Variants in CIITA observed in about 807,000 individuals in gnomAD.
CIITA encodes the protein MHC class II transactivator.
Under a neutral mutation model 115.1 loss-of-function variants are expected in CIITA, and 72 were observed. The ratio of observed to expected loss-of-function variants is 0.63; its 90% confidence interval spans 0.52 to 0.76. CIITA has a LOEUF of 0.76. Among genes scored for constraint, CIITA ranks in the 30% least tolerant of loss-of-function variants. The pLI is 0.00. For missense variants in CIITA, 1,617 were observed against 1,463.8 expected, an observed-to-expected ratio of 1.10 and a Z score of -1.71; for synonymous variants, 763 against 635.6, an observed-to-expected ratio of 1.20 and a Z score of -3.02.
chr16:10,868,965 A>C (rs111617093), intron 1 of CIITA, among the ~76,000 whole-genome samples: 2 of 152,228 alleles, frequency 1.3e-5, no homozygotes, highest in Admixed American at 6.5e-5. Context: ...GACAGTGGGC[A>C]GGTGTGCTGC....
In CIITA at chr16:10,923,327, T is replaced by G; in HGVS notation, c.*22+2T>G. On this transcript the variant is annotated splice_donor_variant, in intron 19 of 19. Transcript: ENST00000324288. LOFTEE classifies it low-confidence loss of function (3UTR_SPLICE). This position sits in a 1 kb window ranked among gnomAD's most constrained non-coding sequence, Gnocchi z 5.2. ...GATCCCAGCTGTGCTCTGGACAGGG[T>G]AACCAGGGTGGGCTTGGGAGGGGAG... 1 of 1,182,162 alleles carries G rather than the reference T, an allele frequency of 8.5e-7. No individual in the cohort carries two copies. The highest frequency in any genetic ancestry group is 1.2e-6 in the Non-Finnish European group (1 of 816,924). 73.2% of individuals were successfully genotyped at this position (1,182,162 alleles called of 1,614,324 possible).
Position 10,907,047 on chromosome 16 carries a change from C to T in CIITA, c.1555C>T (p.Pro519Ser), listed in dbSNP as rs1275390709. The T allele has an allele frequency of 6.2e-7, 1 of 1,607,382 alleles. No individual in the cohort carries two copies. The highest frequency in any genetic ancestry group is 8.5e-7 in the Non-Finnish European group (1 of 1,179,980). ...GFLHSTCGPAPAEPCSLRGLL... is the reference protein window; with the variant it reads ...GFLHSTCGPASAEPCSLRGLL... ...CCTGCACAGCACGTGCGGACCGGCACCGGCGGAGCCCTGCTCCCTCCGGGG... is the reference window on the plus strand; with the variant it reads ...CCTGCACAGCACGTGCGGACCGGCATCGGCGGAGCCCTGCTCCCTCCGGGG... Residue 519 changes from proline (P) to serine (S), a missense_variant, in exon 11 of 20, where the codon CCG (proline) becomes TCG (serine). Coordinates refer to ENST00000324288, the MANE Select transcript of CIITA (RefSeq NM_000246.4). The surrounding 1 kb of genome is among the most constrained non-coding windows in gnomAD (Gnocchi z 5.0).
chr16:10,898,890 T>C (rs780178306), intron 4 of CIITA, 35 bp from the exon 5 acceptor site: 29 of 1,610,368 alleles, frequency 1.8e-5, no homozygotes, highest in Non-Finnish European at 2.4e-5. Flanking sequence ...CTTTCATTGA[T>C]TGTGTGAGTT....
intron 1 of CIITA, among the ~76,000 whole-genome samples, chr16:10,866,822 G>C (rs2035100302): frequency 6.6e-6 from 1 of 152,208 alleles, no homozygotes. Flanking sequence ...GCCTGCTTGG[G>C]TTCACTCCCT....
At chr16:10,919,088 A>T (rs551129065) in intron 16 of CIITA, among the ~76,000 whole-genome samples, 28 of 152,334 alleles carry the variant, frequency 1.8e-4, no homozygotes, top group African/African-American at 6.7e-4. Flanking sequence ...AGACTGAGAG[A>T]AACTGCTCTC....
intron 1 of CIITA, among the ~76,000 whole-genome samples, chr16:10,891,146 C>T (rs1041794026): frequency 6.6e-6 from 1 of 152,154 alleles, no homozygotes; most frequent in African/African-American, 2.4e-5. Context: ...CCCTGCGGTC[C>T]CTCCCACCAT....
At chr16:10,873,218 C>T (rs1252351706), upstream of CIITA, among the ~76,000 whole-genome samples, 1 of 152,216 alleles carries the variant, frequency 6.6e-6, no homozygotes, top group Non-Finnish European at 1.5e-5. Flanking sequence ...AAGCGACATA[C>T]CTGCCTTAGC....
At chr16:10,875,204 C>T (rs765378418), upstream of CIITA, among the ~76,000 whole-genome samples, 9 of 152,078 alleles carry the variant, frequency 5.9e-5, no homozygotes, top group Non-Finnish European at 1.3e-4. Flanking sequence ...AATGATCTGC[C>T]CACCTCAGCC....
rs972020838 is a variant in CIITA, at chr16:10,923,756, C to A, written c.*23-122C>A. On this transcript the variant is annotated intron_variant, in intron 19 of 19. Coordinates refer to ENST00000324288, the MANE Select transcript of CIITA (RefSeq NM_000246.4). The surrounding 1 kb of genome is among the most constrained non-coding windows in gnomAD (Gnocchi z 5.2). ...CCTGTGCTCCCCGCACTGTGCTGCA[C>A]GTCCACCTCCATTCCACTGCCCCTC... 3.1e-5 allele frequency: 6 copies of A among 195,434 alleles called. No individual in the cohort carries two copies. The highest frequency in any genetic ancestry group is 6.4e-5 in the Non-Finnish European group (6 of 94,238). 12.1% of individuals were successfully genotyped at this position (195,434 alleles called of 1,614,324 possible).
At chr16:10,868,396 C>T (rs751083794) in intron 1 of CIITA, among the ~76,000 whole-genome samples, 13 of 152,182 alleles carry the variant, frequency 8.5e-5, no homozygotes, top group Non-Finnish European at 1.8e-4. Flanking sequence ...TCTTGGGCAC[C>T]AGGGCAGTGT....
chr16:10,910,990 C>T (rs1194894767), intron 13 of CIITA, among the ~76,000 whole-genome samples: 1 of 151,344 alleles, frequency 6.6e-6, no homozygotes, highest in Non-Finnish European at 1.5e-5. Flanking sequence ...CCCAGGCAAA[C>T]TGGGACAGTT....
At position 10,909,097 on chromosome 16, in the gene CIITA, A is replaced by G. The variant is rs756133276; in HGVS notation, c.2726A>G (p.Gln909Arg). 6.2e-7 allele frequency: 1 copy of G among 1,614,152 alleles called. No homozygotes were observed. The highest frequency in any genetic ancestry group is 1.1e-5 in the South Asian group (1 of 91,080). ...LQQHGETKLL[Q>R]AAEEKFTIEP... ...CAGCATGGGGAGACCAAGCTACTTCAGGCAGCAGAGGAGAAGTTCACCATC... is the reference window on the plus strand; with the variant it reads ...CAGCATGGGGAGACCAAGCTACTTCGGGCAGCAGAGGAGAAGTTCACCATC... The change falls in exon 12 of 20, where the codon CAG becomes CGG. Residue 909 changes from glutamine (Q) to arginine (R), a missense_variant. Physicochemically the swap from Gln to Arg is conservative, Grantham distance 43. Coordinates refer to ENST00000324288, the MANE Select transcript of CIITA (RefSeq NM_000246.4).
chr16:10,921,423 A>AT (rs1428871427), intron 16 of CIITA, among the ~76,000 whole-genome samples: 2 of 152,304 alleles, frequency 1.3e-5, no homozygotes, highest in Non-Finnish European at 2.9e-5. Context: ...CACACCCTCT[A>AT]TGTTAACTCA....
chr16:10,917,330 G>A (rs1014439323), intron 15 of CIITA, among the ~76,000 whole-genome samples: 1 of 152,040 alleles, frequency 6.6e-6, no homozygotes, highest in Non-Finnish European at 1.5e-5. Flanking sequence ...ATGCCACCAC[G>A]TCCCGCTAAT....
intron 1 of CIITA, among the ~76,000 whole-genome samples, chr16:10,887,201 C>T (rs1465733154): frequency 1.3e-5 from 2 of 152,028 alleles, no homozygotes; most frequent in African/African-American, 2.4e-5. Context: ...CCATTTGGCC[C>T]CCGGAAGCAG....
rs199476074 is a variant in CIITA at position 10,908,880 on chromosome 16, G to T, written c.2658-149G>T. On this transcript the variant is annotated intron_variant, in intron 11 of 19. Transcript: ENST00000324288. ...AGAAAGTAGGAATCAATAAAGGCTG[G>T]AGTGGTCATGGAAGGCTTTCTGGGA... 3.1e-5 allele frequency: 32 copies of T among 1,044,644 alleles called. No individual in the cohort carries two copies. In the East Asian group the frequency reaches 4.0e-4, roughly 13 times the overall value. The allele number at this position is 1,044,644 out of a possible 1,614,324, so 64.7% of individuals were successfully genotyped here. A position where few individuals can be genotyped will look rare whatever the true frequency, so the allele number is the denominator to read the frequency against.
At position 10,907,416 on chromosome 16, in the gene CIITA, G is replaced by A. The variant is rs767469776; in HGVS notation, c.1924G>A (p.Val642Ile). ...GCCCTCCACGCTCACGGGACTCTAT[G>A]TCGGCCTGCTGGGCCGTGCAGCCCT... ...KLPSTLTGLY[V>I]GLLGRAALDS... Residue 642 changes from valine to isoleucine, a missense_variant, in exon 11 of 20, where the codon GTC becomes ATC. Physicochemically the swap from Val to Ile is conservative, Grantham distance 29. Transcript: ENST00000324288. The surrounding 1 kb of genome is among the most constrained non-coding windows in gnomAD (Gnocchi z 5.0). 4 of 1,613,014 alleles carry A rather than the reference G, an allele frequency of 2.5e-6. No homozygotes were observed. Among genetic ancestry groups the A allele is most frequent in the East Asian group, 4.5e-5 (2 of 44,856 alleles).
intron 1 of CIITA, among the ~76,000 whole-genome samples, chr16:10,877,596 T>C (rs138724549): frequency 3.7e-4 from 56 of 152,330 alleles, no homozygotes; most frequent in African/African-American, 1.2e-3. Flanking sequence ...GTCTGGAGTA[T>C]GAACCATGTA....
At chr16:10,883,888 T>C (rs2036661963) in intron 1 of CIITA, among the ~76,000 whole-genome samples, 3 of 152,208 alleles carry the variant, frequency 2.0e-5, no homozygotes, top group South Asian at 4.1e-4. Context: ...AAGCTAGACC[T>C]TCACATCCCT....
Sources: allele counts gnomAD v4.1 joint callset (sites outside exome capture counted in the v4.1 genomes callset), GRCh38; gene constraint gnomAD v4.1.1; non-coding constraint Gnocchi (gnomAD v3.1); transcripts MANE v1.5; gene names NCBI Gene and HGNC (gene_info 2026-07-23, HGNC 2026-07-21).